RP1: variants seen among roughly 807,000 people sequenced by gnomAD.
The protein encoded by RP1 is RP1 axonemal microtubule associated, also known as oxygen-regulated protein 1.
A neutral mutation model predicts 14.8 loss-of-function variants in RP1; 16 were observed. The ratio of observed to expected loss-of-function variants is 1.08; its 90% CI spans 0.73 to 1.65. The LOEUF is 1.65. Among genes scored for constraint, RP1 ranks in the 40% most tolerant of loss-of-function variants. RP1 has a pLI of 0.00. For synonymous variants in RP1, 876 were observed against 883.6 expected (o/e 0.99, Z 0.15); for missense variants, 2,631 against 2,535.0 (o/e 1.04, Z -0.81).
chr8:54,748,680 A>T (rs1809285859), intron 19 of RP1, among the ~76,000 whole-genome samples: 2 of 152,230 alleles, frequency 1.3e-5, no homozygotes, highest in Non-Finnish European at 2.9e-5. Flanking sequence ...CTATACAAAG[A>T]AAATACTAAT....
chr8:54,571,504 C>T lies in RP1; in HGVS notation c.-13+12184C>T, dbSNP rs78466557. The stretch of plus-strand genomic sequence containing the variant: ...CAGAGTCAGGAGTGGGCTCAGAGCC[C>T]CTATGCACCCCAGTCCTGTATGGCA... On this transcript the variant is annotated intron_variant, in intron 1 of 22. Transcript: ENST00000636932. Among the ~76,000 whole-genome samples the T allele has an allele frequency of 6.6e-5, 10 of 152,316 alleles. No individual in the cohort carries two copies. In the East Asian group the frequency reaches 1.7e-3, roughly 26 times the overall value.
At chr8:54,726,237 T>C in intron 16 of RP1, 1 of 1,258,714 alleles carries the variant, frequency 7.9e-7, no homozygotes, top group Non-Finnish European at 1.0e-6. Flanking sequence ...GGCATTGAAA[T>C]GGAAACAATA....
At chr8:54,688,647 C>G (rs1053633704) in intron 12 of RP1, among the ~76,000 whole-genome samples, 4 of 152,042 alleles carry the variant, frequency 2.6e-5, no homozygotes, top group Non-Finnish European at 5.9e-5. Context: ...ATTTCTGAGG[C>G]CTCTGCTCTG....
At chr8:54,806,659 C>G (rs1276909665) in intron 24 of RP1, among the ~76,000 whole-genome samples, 1 of 152,128 alleles carries the variant, frequency 6.6e-6, no homozygotes, top group Non-Finnish European at 1.5e-5. Context: ...GTACAACTTA[C>G]TTGGTGATAG....
At chr8:54,757,545 A>G (rs892886979) in intron 21 of RP1, among the ~76,000 whole-genome samples, 1 of 152,222 alleles carries the variant, frequency 6.6e-6, no homozygotes, top group African/African-American at 2.4e-5. Context: ...GATATTAGTG[A>G]GCTGGTTACT....
intron 15 of RP1, among the ~76,000 whole-genome samples, chr8:54,707,956 TA>T (rs1808189844): frequency 6.6e-6 from 1 of 152,212 alleles, no homozygotes; most frequent in Non-Finnish European, 1.5e-5. Context: ...CTAATTGGGA[TA>T]AAAATGAGTA....
chr8:54,656,601 A>G (rs747141994), intron 6 of RP1, among the ~76,000 whole-genome samples: 2 of 151,998 alleles, frequency 1.3e-5, no homozygotes, highest in Non-Finnish European at 2.9e-5. Flanking sequence ...TGATTAGGAA[A>G]TAAAACACAA....
At chr8:54,567,229 GT>G (rs1207011196) in intron 1 of RP1, among the ~76,000 whole-genome samples, 1 of 152,174 alleles carries the variant, frequency 6.6e-6, no homozygotes, top group African/African-American at 2.4e-5. Context: ...TATTTGACAT[GT>G]TTGTCAGTCT....
At chr8:54,788,422 C>T (rs188167346) in intron 24 of RP1, among the ~76,000 whole-genome samples, 31 of 152,250 alleles carry the variant, frequency 2.0e-4, no homozygotes, top group African/African-American at 6.5e-4. Flanking sequence ...TTTCTTTTCT[C>T]TCCTCCTTCT....
intron 12 of RP1, among the ~76,000 whole-genome samples, chr8:54,685,407 A>G (rs1807540752): frequency 6.6e-6 from 1 of 152,018 alleles, no homozygotes; most frequent in African/African-American, 2.4e-5. Context: ...TAATTTCGTT[A>G]TTTACCCAGG....
At chr8:54,585,931 C>T (rs1406835989) in intron 1 of RP1, among the ~76,000 whole-genome samples, 1 of 152,156 alleles carries the variant, frequency 6.6e-6, no homozygotes, top group African/African-American at 2.4e-5. Context: ...ACTTCTTTGC[C>T]ATGGGTTCGA....
intron 1 of RP1, among the ~76,000 whole-genome samples, chr8:54,608,051 C>T (rs768492563): frequency 6.6e-6 from 1 of 152,032 alleles, no homozygotes; most frequent in Non-Finnish European, 1.5e-5. Flanking sequence ...ACCCACTGTC[C>T]TGCACCCACT....
chr8:54,622,015 T>C, intron 2 of RP1, 102 bp from the exon 3 acceptor site: 1 of 1,175,104 alleles, frequency 8.5e-7, no homozygotes, highest in Non-Finnish European at 1.2e-6. Flanking sequence ...GATGATGTCT[T>C]TCAAGCCTAG....
chr8:54,761,556 GT>G (rs1466625867), intron 22 of RP1, among the ~76,000 whole-genome samples: 1 of 152,032 alleles, frequency 6.6e-6, no homozygotes, highest in Admixed American at 6.6e-5. Context: ...CTTACTTCTT[GT>G]TTGTGCTGTG....
rs28414154 is a variant in RP1, at chr8:54,852,555, C to T, written c.3836-19C>T. The T allele has an allele frequency of 0.015, 18,656 of 1,226,062 alleles. 1,900 individuals carry two copies. The African/African-American group carries it at 0.24, about 16-fold the overall frequency. The allele number at this position is 1,226,062 out of a possible 1,614,324, so 75.9% of individuals were successfully genotyped here. ...TAAATAAAAATGAGAAAGATAATAT[C>T]AGATTTCTTACATTTCAGTGGTGCT... On this transcript the variant is annotated intron_variant, in intron 25 of 28. Transcript: ENST00000637698.
chr8:54,575,382 A>AT (rs1332904370), intron 1 of RP1, among the ~76,000 whole-genome samples: 1 of 136,302 alleles, frequency 7.3e-6, no homozygotes, highest in Non-Finnish European at 1.7e-5. Context: ...TTTAAGAAAA[A>AT]TTATTTTTTT....
chr8:54,601,556 AAAACTT>A (rs1316432034), intron 1 of RP1, among the ~76,000 whole-genome samples: 11 of 150,338 alleles, frequency 7.3e-5, no homozygotes, highest in African/African-American at 2.5e-4. Context: ...CATGTATCCT[AAAACTT>A]AAAGTATAAT....
In RP1 at chr8:54,746,427, A is replaced by C. The variant is rs529801067; in HGVS notation, c.2808+7398A>C. ...AGGTCTGACTTGCTATTTCAGCCAT[A>C]TTAATGCACACTAACCAACTGTGCT... is the stretch of plus-strand genomic sequence containing the variant. On this transcript the variant is annotated intron_variant, in intron 19 of 22. Transcript: ENST00000636932. Among the ~76,000 whole-genome samples, 8 of 152,294 alleles carry C rather than the reference A, an allele frequency of 5.3e-5. No individual in the cohort carries two copies. In the South Asian group the frequency reaches 1.7e-3, roughly 32 times the overall value.
chr8:54,626,979 G>T lies in RP1; in HGVS notation c.3097G>T (p.Asp1033Tyr). ...TACTTTGTCACAGTCAGCTATTAAT[G>T]ATCATAATACTAAAAGTCATATAGC... is the stretch of plus-strand genomic sequence containing the variant. ...HCTLSQSAIN[D>Y]HNTKSHIAAE... is the part of the protein sequence containing the mutation. The change falls in exon 4 of 4, where the codon GAT (aspartate) becomes TAT (tyrosine). Residue 1033 changes from aspartate to tyrosine, a missense_variant. Physicochemically the swap from Asp to Tyr is radical, Grantham distance 160. Coordinates refer to ENST00000220676, the MANE Select transcript of RP1 (RefSeq NM_006269.2). 1 of 1,613,922 alleles carries T rather than the reference G, an allele frequency of 6.2e-7. No homozygotes were observed. Among genetic ancestry groups the T allele is most frequent in the South Asian group, 1.1e-5 (1 of 91,076 alleles).
Sources: gnomAD v4.1 joint callset for allele counts (sites outside exome capture counted in the v4.1 genomes callset) on GRCh38, gnomAD v4.1.1 for gene constraint, MANE v1.5 for transcripts, NCBI Gene and HGNC (gene_info 2026-07-23, HGNC 2026-07-21) for gene names.